NTN4: variants seen among roughly 807,000 people sequenced by gnomAD.
NTN4 encodes netrin-4.
NTN4 carries 32 observed loss-of-function variants against 73.6 expected under a neutral mutation model. That is an observed-to-expected ratio of 0.44 (90% CI 0.33 to 0.58). The LOEUF (loss-of-function observed/expected upper bound fraction) is 0.58, where lower values mean the gene tolerates loss of function less well. Among genes scored for constraint, NTN4 ranks in the 20% least tolerant of loss-of-function variants. The probability of loss-of-function intolerance (pLI) is 0.04; values close to 1 mark genes in which losing one functional copy is unlikely to be tolerated. For synonymous variants in NTN4, 258 were observed against 287.5 expected, an observed-to-expected ratio of 0.90 and a Z score of 1.04; for missense variants, 654 against 798.3, an observed-to-expected ratio of 0.82 and a Z score of 2.18.
chr12:95,688,733 C>G (rs2078380563), intron 5 of NTN4, among the ~76,000 whole-genome samples: 1 of 140,246 alleles, frequency 7.1e-6, no homozygotes, highest in East Asian at 2.1e-4. Flanking sequence ...GTTGGAGGAG[C>G]AATAACTTTC....
intron 2 of NTN4, among the ~76,000 whole-genome samples, chr12:95,776,025 T>A (rs1156908837): frequency 6.6e-6 from 1 of 152,212 alleles, no homozygotes; most frequent in African/African-American, 2.4e-5. Flanking sequence ...TTCTGTAGCC[T>A]CCGCTGCTGA....
chr12:95,706,595 C>T (rs948470814), intron 5 of NTN4, among the ~76,000 whole-genome samples: 4 of 152,092 alleles, frequency 2.6e-5, no homozygotes, highest in Admixed American at 6.5e-5. Flanking sequence ...GCTCCTAGTA[C>T]CCTAGAAAAT....
At chr12:95,661,081 T>C (rs2078134643) in intron 9 of NTN4, among the ~76,000 whole-genome samples, 1 of 152,174 alleles carries the variant, frequency 6.6e-6, no homozygotes, top group Non-Finnish European at 1.5e-5. Flanking sequence ...ATAATAATTG[T>C]GTTTATGAAA....
intron 2 of NTN4, among the ~76,000 whole-genome samples, chr12:95,742,134 T>C (rs1249744268): frequency 6.6e-6 from 1 of 152,142 alleles, no homozygotes; most frequent in Non-Finnish European, 1.5e-5. Flanking sequence ...TACAAAGTCC[T>C]GAACAGGTGA....
At chr12:95,761,941 A>G (rs2078991946) in intron 2 of NTN4, among the ~76,000 whole-genome samples, 1 of 152,126 alleles carries the variant, frequency 6.6e-6, no homozygotes, top group African/African-American at 2.4e-5. Context: ...AAGTCATTAA[A>G]ATTATTTTAT....
intron 2 of NTN4, among the ~76,000 whole-genome samples, chr12:95,758,433 G>A (rs1243106186): frequency 6.6e-6 from 1 of 152,068 alleles, no homozygotes; most frequent in Non-Finnish European, 1.5e-5. Context: ...TCTTCTTATT[G>A]AGTTATGAGT....
At chr12:95,697,462 T>C (rs1381025698) in intron 5 of NTN4, among the ~76,000 whole-genome samples, 1 of 152,190 alleles carries the variant, frequency 6.6e-6, no homozygotes, top group Non-Finnish European at 1.5e-5. Flanking sequence ...ACTTATTCAT[T>C]AGTATCTCTC....
Position 95,787,079 on chromosome 12 carries a change from C to T in NTN4, c.445G>A (p.Asp149Asn). ...TAAGGCTTCCATGTTTTCCCAAAGT[C>T]CTGGGAGCGGTCCAGCACCATGGCA... is the stretch of plus-strand genomic sequence containing the variant. ...PAAMVLDRSQDFGKTWKPYKY... is the reference protein window; with the variant it reads ...PAAMVLDRSQNFGKTWKPYKY... Residue 149 changes from aspartate (D) to asparagine (N), a missense_variant, in exon 2 of 10, where the codon GAC (aspartate) becomes AAC (asparagine). Asp to Asn is a conservative substitution (Grantham distance 23). Transcript: ENST00000343702. 1 of 1,614,190 alleles carries T rather than the reference C, an allele frequency of 6.2e-7. No homozygotes were observed. The highest frequency in any genetic ancestry group is 8.5e-7 in the Non-Finnish European group (1 of 1,180,042).
chr12:95,734,206 A>G (rs1009373018), intron 3 of NTN4, among the ~76,000 whole-genome samples: 2 of 152,168 alleles, frequency 1.3e-5, no homozygotes, highest in Non-Finnish European at 2.9e-5. Flanking sequence ...ATCATCAGCC[A>G]TAAACAATTC....
intron 2 of NTN4, among the ~76,000 whole-genome samples, chr12:95,772,852 A>G (rs2079066600): frequency 6.6e-6 from 1 of 152,062 alleles, no homozygotes; most frequent in Non-Finnish European, 1.5e-5. Context: ...TTGCAATAGG[A>G]TTCTAAATGG....
chr12:95,670,720 G>A (rs1396275140), intron 7 of NTN4, among the ~76,000 whole-genome samples: 1 of 152,224 alleles, frequency 6.6e-6, no homozygotes, highest in Non-Finnish European at 1.5e-5. Context: ...TACAAAAAGT[G>A]ATAAAGTGAT....
chr12:95,727,224 G>A (rs998261580), intron 3 of NTN4, among the ~76,000 whole-genome samples: 1 of 152,062 alleles, frequency 6.6e-6, no homozygotes, highest in Non-Finnish European at 1.5e-5. Flanking sequence ...TACCTTCTTT[G>A]GGTGGCTCAA....
chr12:95,746,529 T>C (rs935239052), intron 2 of NTN4, among the ~76,000 whole-genome samples: 6 of 152,214 alleles, frequency 3.9e-5, no homozygotes, highest in Admixed American at 3.9e-4. Flanking sequence ...TGGCGTTTTC[T>C]CTAACTCGCT....
At chr12:95,704,719 T>C (rs992293613) in intron 5 of NTN4, among the ~76,000 whole-genome samples, 3 of 152,108 alleles carry the variant, frequency 2.0e-5, no homozygotes, top group Non-Finnish European at 2.9e-5. Flanking sequence ...ACCAGAGTAA[T>C]ATTCTGGAAG....
chr12:95,729,004 C>T (rs927148628), intron 3 of NTN4, among the ~76,000 whole-genome samples: 4 of 152,138 alleles, frequency 2.6e-5, no homozygotes, highest in African/African-American at 9.7e-5. Flanking sequence ...TTCCTGAGGC[C>T]TCCCCAGAAG....
chr12:95,711,483 T>C (rs571713647), intron 4 of NTN4, among the ~76,000 whole-genome samples: 1 of 152,320 alleles, frequency 6.6e-6, no homozygotes, highest in Non-Finnish European at 1.5e-5. Flanking sequence ...GGAGCATTCA[T>C]ATTGCAGATG....
chr12:95,689,335 C>T (rs946787560), intron 5 of NTN4, among the ~76,000 whole-genome samples: 1 of 152,186 alleles, frequency 6.6e-6, no homozygotes, highest in African/African-American at 2.4e-5. Context: ...AGAGGCCTAG[C>T]CTACTTTTCC....
At chr12:95,686,610 T>C (rs2078362746) in intron 5 of NTN4, among the ~76,000 whole-genome samples, 1 of 151,818 alleles carries the variant, frequency 6.6e-6, no homozygotes, top group Non-Finnish European at 1.5e-5. Flanking sequence ...ATACAAACAT[T>C]AGCCGGGCGT....
intron 2 of NTN4, among the ~76,000 whole-genome samples, chr12:95,777,546 G>A (rs1287918056): frequency 3.9e-5 from 6 of 152,060 alleles, no homozygotes; most frequent in Admixed American, 1.3e-4. Flanking sequence ...AACCAACAAC[G>A]ATCAAAAGAG....
Sources: allele counts gnomAD v4.1 joint callset (sites outside exome capture counted in the v4.1 genomes callset), GRCh38; gene constraint gnomAD v4.1.1; transcripts MANE v1.5; gene names NCBI Gene and HGNC (gene_info 2026-07-23, HGNC 2026-07-21).